The following MID1 variants were observed in gnomAD, a reference collection of about 807,000 sequenced individuals.
MID1 encodes E3 ubiquitin-protein ligase Midline-1.
MID1 carries 7 observed loss-of-function variants against 40.4 expected under a neutral mutation model. The ratio of observed to expected loss-of-function variants is 0.17; its 90% CI spans 0.10 to 0.33. The LOEUF (loss-of-function observed/expected upper bound fraction) is 0.33. Among genes scored for constraint, MID1 ranks in the 10% least tolerant of loss-of-function variants. The probability of loss-of-function intolerance (pLI) is 1.00; values close to 1 mark genes in which losing one functional copy is unlikely to be tolerated. For synonymous variants in MID1, 229 were observed against 221.2 expected (o/e 1.04, Z -0.31); for missense variants, 367 against 558.5 (o/e 0.66, Z 3.46).
At chrX:10,507,521 A>C (rs1931904660) in intron 3 of MID1, among the ~76,000 whole-genome samples, 1 of 112,712 alleles carries the variant, frequency 8.9e-6, no homozygotes, top group Non-Finnish European at 1.9e-5. Flanking sequence ...TTCTGCAAAA[A>C]TTAAAGCAAT....
At chrX:10,484,767 C>T (rs1930527035) in intron 4 of MID1, among the ~76,000 whole-genome samples, 2 of 111,655 alleles carry the variant, frequency 1.8e-5, no homozygotes, top group African/African-American at 6.5e-5. Context: ...TCCATTTCAA[C>T]AAGCAACAAA....
chrX:10,551,110 A>G (rs1382412713), intron 2 of MID1, among the ~76,000 whole-genome samples: 1 of 112,118 alleles, frequency 8.9e-6, no homozygotes, highest in Admixed American at 9.5e-5. Flanking sequence ...TTATCTCTAG[A>G]TTAATTATAA....
At chrX:10,736,829 T>A (rs186917821) in intron 1 of MID1, among the ~76,000 whole-genome samples, 1 of 112,241 alleles carries the variant, frequency 8.9e-6, no homozygotes, top group Non-Finnish European at 1.9e-5. Flanking sequence ...AAATCAGAAA[T>A]GCTCAAATTC....
intron 1 of MID1, among the ~76,000 whole-genome samples, chrX:10,702,136 G>C (rs1215066054): frequency 8.9e-6 from 1 of 112,603 alleles, no homozygotes; most frequent in Non-Finnish European, 1.9e-5. Flanking sequence ...GCACAGAACT[G>C]TACCAACTTG....
chrX:10,782,904 C>T (rs1294104724), intron 1 of MID1, among the ~76,000 whole-genome samples: 3 of 111,244 alleles, frequency 2.7e-5, no homozygotes, highest in Non-Finnish European at 5.7e-5. Context: ...GCAAGTCCTA[C>T]CCCAGAACTA....
intron 2 of MID1, among the ~76,000 whole-genome samples, chrX:10,547,936 T>C (rs1286286602): frequency 9.0e-6 from 1 of 111,545 alleles, no homozygotes; most frequent in Non-Finnish European, 1.9e-5. Flanking sequence ...GAAACCTTAA[T>C]AATGCCAGGA....
intron 4 of MID1, among the ~76,000 whole-genome samples, chrX:10,493,262 G>A (rs1931050139): frequency 8.9e-6 from 1 of 111,861 alleles, no homozygotes. Context: ...GATGGGAAGA[G>A]AGGTCAGATT....
At chrX:10,775,284 T>C (rs1286606060) in intron 1 of MID1, among the ~76,000 whole-genome samples, 8 of 111,296 alleles carry the variant, frequency 7.2e-5, no homozygotes, top group Non-Finnish European at 1.3e-4. Flanking sequence ...CAAATGTCTA[T>C]AGTTAACTGG....
intron 1 of MID1, among the ~76,000 whole-genome samples, chrX:10,740,807 T>C (rs1326164292): frequency 9.1e-6 from 1 of 110,394 alleles, no homozygotes; most frequent in Non-Finnish European, 1.9e-5. Context: ...ACTTGCACAT[T>C]AGTCTAGGAT....
chrX:10,739,970 T>A (rs989013892), intron 1 of MID1, among the ~76,000 whole-genome samples: 4 of 112,392 alleles, frequency 3.6e-5, no homozygotes, highest in Admixed American at 9.4e-5. Context: ...GCCCCAAGCG[T>A]AGGCATTGAC....
chrX:10,519,114 A>G (rs966196718), intron 3 of MID1, among the ~76,000 whole-genome samples: 1 of 112,071 alleles, frequency 8.9e-6, no homozygotes, highest in Non-Finnish European at 1.9e-5. Context: ...AATGGAAACC[A>G]GACATTAATG....
At chrX:10,734,825 A>G (rs2043476554) in intron 1 of MID1, among the ~76,000 whole-genome samples, 1 of 112,071 alleles carries the variant, frequency 8.9e-6, no homozygotes, top group East Asian at 2.8e-4. Context: ...GGGCATATGC[A>G]TTCTTTAAAA....
chrX:10,691,682 C>A (rs1024922822), intron 1 of MID1, among the ~76,000 whole-genome samples: 1 of 111,478 alleles, frequency 9.0e-6, no homozygotes, highest in African/African-American at 3.3e-5. Context: ...AATCAGTGCA[C>A]CCTGAAAAAG....
intron 6 of MID1, among the ~76,000 whole-genome samples, chrX:10,471,295 A>G (rs928449234): frequency 8.9e-6 from 1 of 112,372 alleles, no homozygotes; most frequent in Admixed American, 9.4e-5. Flanking sequence ...AAGTTTATAA[A>G]AACTGTAAAT....
intron 1 of MID1, among the ~76,000 whole-genome samples, chrX:10,717,366 GA>G (rs201576822): frequency 0.11 from 9,526 of 87,199 alleles, 840 homozygotes; most frequent in African/African-American, 0.28. Context: ...CAAGCAAATG[GA>G]AAAAAAAAAA....
At chrX:10,748,979 T>A (rs1235407986) in intron 1 of MID1, among the ~76,000 whole-genome samples, 1 of 111,458 alleles carries the variant, frequency 9.0e-6, no homozygotes, top group Non-Finnish European at 1.9e-5. Context: ...ATATTTCTCA[T>A]TTCTTCAGGG....
intron 1 of MID1, among the ~76,000 whole-genome samples, chrX:10,827,142 G>C (rs2044221265): frequency 9.0e-6 from 1 of 111,597 alleles, no homozygotes; most frequent in Admixed American, 9.5e-5. Context: ...TGATGTTTTA[G>C]TCATTCTCAT....
At chrX:10,523,691 C>G (rs1932776249) in intron 2 of MID1, among the ~76,000 whole-genome samples, 1 of 111,144 alleles carries the variant, frequency 9.0e-6, no homozygotes, top group Admixed American at 9.5e-5. Context: ...AAGTCCTCAT[C>G]ACACACACAT....
intron 5 of MID1, among the ~76,000 whole-genome samples, chrX:10,478,475 T>TTCATTCAC (rs1478590283): frequency 8.9e-6 from 1 of 112,242 alleles, no homozygotes; most frequent in African/African-American, 3.2e-5. Flanking sequence ...GATCCATTCA[T>TTCATTCAC]TCATTCACTC....
Sources: gnomAD v4.1 joint callset for allele counts (sites outside exome capture counted in the v4.1 genomes callset) on GRCh38, gnomAD v4.1.1 for gene constraint, MANE v1.5 for transcripts, NCBI Gene and HGNC (gene_info 2026-07-23, HGNC 2026-07-21) for gene names.